The following SOX6 variants were observed in gnomAD, a reference collection of about 807,000 sequenced individuals.
SOX6 encodes the protein transcription factor SOX-6.
Under a neutral mutation model 97.8 loss-of-function variants are expected in SOX6, and 11 were observed. The ratio of observed to expected loss-of-function variants is 0.11; its 90% CI spans 0.07 to 0.19. The LOEUF (loss-of-function observed/expected upper bound fraction) is 0.19. Among genes scored for constraint, SOX6 ranks in the 10% least tolerant of loss-of-function variants. The probability of loss-of-function intolerance (pLI) is 1.00; values close to 1 mark genes in which losing one functional copy is unlikely to be tolerated. For synonymous variants in SOX6, 360 were observed against 371.4 expected, an observed-to-expected ratio of 0.97 and a Z score of 0.35; for missense variants, 810 against 1,039.5, an observed-to-expected ratio of 0.78 and a Z score of 3.04.
intron 6 of SOX6, among the ~76,000 whole-genome samples, chr11:16,147,625 C>T (rs967329362): frequency 6.6e-6 from 1 of 152,136 alleles, no homozygotes; most frequent in South Asian, 2.1e-4. Context: ...TATGTCACTT[C>T]CTTCCCCATG....
At chr11:16,070,989 T>C (rs1050263044) in intron 9 of SOX6, among the ~76,000 whole-genome samples, 1 of 152,250 alleles carries the variant, frequency 6.6e-6, no homozygotes, top group Admixed American at 6.5e-5. Context: ...GAGGTCACAG[T>C]TGTGGTGCCT....
chr11:16,216,475 A>AAGAAT (rs1852375486), intron 4 of SOX6, among the ~76,000 whole-genome samples: 1 of 152,116 alleles, frequency 6.6e-6, no homozygotes, highest in Admixed American at 6.6e-5. Context: ...AGTGTCAACC[A>AAGAAT]CAATAAGAAT....
At chr11:16,640,831 A>C (rs182380688) in intron 3 of SOX6, among the ~76,000 whole-genome samples, 1 of 152,088 alleles carries the variant, frequency 6.6e-6, no homozygotes, top group Admixed American at 6.6e-5. Context: ...CTAGTGGTAT[A>C]TCAATTTTGT....
intron 4 of SOX6, among the ~76,000 whole-genome samples, chr11:16,496,638 A>G (rs1335110025): frequency 6.6e-6 from 1 of 152,188 alleles, no homozygotes; most frequent in Non-Finnish European, 1.5e-5. Context: ...CACTTTTCCA[A>G]TGGTCTTAGC....
At chr11:16,669,372 G>C (rs1034905570) in intron 3 of SOX6, among the ~76,000 whole-genome samples, 1 of 152,154 alleles carries the variant, frequency 6.6e-6, no homozygotes, top group African/African-American at 2.4e-5. Flanking sequence ...GAGCAACATG[G>C]AGCCAAGGGA....
chr11:16,579,477 C>T (rs940150211), intron 4 of SOX6, among the ~76,000 whole-genome samples: 1 of 151,998 alleles, frequency 6.6e-6, no homozygotes, highest in Non-Finnish European at 1.5e-5. Context: ...ACTATTCTGA[C>T]TTCTATCATT....
chr11:16,405,450 C>T lies in SOX6; in HGVS notation c.-4-64198G>A, dbSNP rs112093214. ...GGTCCCCCATCTAACACCCCTTCTC[C>T]GAATACAGCTTCAGATGAATGGAGG... On this transcript the variant is annotated intron_variant, in intron 1 of 15. Transcript: ENST00000396356. Among the ~76,000 whole-genome samples the T allele has an allele frequency of 5.4e-3, 824 of 152,048 alleles. 1 individual carries two copies. The highest frequency in any genetic ancestry group is 0.01 in the Non-Finnish European group (704 of 67,942).
At chr11:16,630,186 T>C (rs1295439008) in intron 3 of SOX6, among the ~76,000 whole-genome samples, 1 of 152,234 alleles carries the variant, frequency 6.6e-6, no homozygotes, top group Non-Finnish European at 1.5e-5. Context: ...TGTTAGATCA[T>C]TAATTTGATA....
chr11:16,651,813 T>C (rs1278599201), intron 3 of SOX6, among the ~76,000 whole-genome samples: 1 of 151,978 alleles, frequency 6.6e-6, no homozygotes, highest in African/African-American at 2.4e-5. Flanking sequence ...GCATCCAAAT[T>C]GGTAAAGAGG....
chr11:16,190,545 T>A (rs1851601747), intron 4 of SOX6, among the ~76,000 whole-genome samples: 1 of 152,198 alleles, frequency 6.6e-6, no homozygotes, highest in Non-Finnish European at 1.5e-5. Flanking sequence ...TGTGCATGGG[T>A]TATATGCAAA....
intron 4 of SOX6, among the ~76,000 whole-genome samples, chr11:16,212,156 GA>G (rs1270389229): frequency 1.3e-5 from 2 of 152,144 alleles, no homozygotes; most frequent in African/African-American, 2.4e-5. Flanking sequence ...AGGCAAGTTA[GA>G]AAACTTCTCT....
At chr11:16,330,941 AAAC>A (rs1369678631) in intron 2 of SOX6, among the ~76,000 whole-genome samples, 4 of 152,172 alleles carry the variant, frequency 2.6e-5, no homozygotes, top group Non-Finnish European at 4.4e-5. Context: ...AACCCCTACC[AAAC>A]AAAAAGAATG....
intron 14 of SOX6, among the ~76,000 whole-genome samples, chr11:15,987,182 A>G (rs1235866160): frequency 6.6e-6 from 1 of 152,160 alleles, no homozygotes; most frequent in Non-Finnish European, 1.5e-5. Flanking sequence ...ATCAAATTGC[A>G]TTTTTGTGTC....
At chr11:16,281,424 T>C (rs926193629) in intron 3 of SOX6, among the ~76,000 whole-genome samples, 1 of 152,026 alleles carries the variant, frequency 6.6e-6, no homozygotes, top group Non-Finnish European at 1.5e-5. Flanking sequence ...TCCCACAAGA[T>C]AGAGCAATCT....
At chr11:16,617,059 C>T (rs1022823003) in intron 3 of SOX6, among the ~76,000 whole-genome samples, 3 of 151,810 alleles carry the variant, frequency 2.0e-5, no homozygotes, top group Non-Finnish European at 4.4e-5. Flanking sequence ...ATGTTATCTT[C>T]CCAAATTCAA....
intron 2 of SOX6, among the ~76,000 whole-genome samples, chr11:16,334,316 C>T (rs558523419): frequency 2.0e-4 from 31 of 152,064 alleles, no homozygotes; most frequent in Non-Finnish European, 1.0e-4. Context: ...GTGCTCAATA[C>T]GCAGCCCACA....
chr11:16,501,517 A>G lies in SOX6; in HGVS notation n.610-25129T>C, dbSNP rs1232370502. 9.8e-4 allele frequency among the ~76,000 whole-genome samples: 149 copies of G among 151,698 alleles called. 1 individual carries two copies. The highest frequency in any genetic ancestry group is 3.5e-3 in the African/African-American group (145 of 40,974). On this transcript the variant is annotated intron_variant and non_coding_transcript_variant, in intron 4 of 5. Transcript: ENST00000524520. ...GCAAAAGAAATTATCATCAGAGTGA[A>G]CAGGCAACCTACAGAATGGGAGAAA...
At chr11:16,292,185 G>A (rs1339573801) in intron 3 of SOX6, among the ~76,000 whole-genome samples, 1 of 152,026 alleles carries the variant, frequency 6.6e-6, no homozygotes, top group Non-Finnish European at 1.5e-5. Context: ...CAAACCTGTG[G>A]GGAAAAACAA....
rs1440264641 is a variant in SOX6, at chr11:16,015,062, A to C, written c.1624-12T>G. The C allele has an allele frequency of 6.2e-7, 1 of 1,609,414 alleles. No homozygotes were observed. The highest frequency in any genetic ancestry group is 1.3e-5 in the African/African-American group (1 of 74,770). ...AAGCGCGTTCTTTCCTAGAGGAACAAATAATCAGAGGCTTATTCTAGTTTC... is the reference window on the plus strand; with the variant it reads ...AAGCGCGTTCTTTCCTAGAGGAACACATAATCAGAGGCTTATTCTAGTTTC... On this transcript the variant is annotated splice_polypyrimidine_tract_variant and intron_variant, in intron 12 of 15. Coordinates refer to ENST00000683767, the MANE Select transcript of SOX6 (RefSeq NM_001367873.1).
Sources: allele counts gnomAD v4.1 joint callset (sites outside exome capture counted in the v4.1 genomes callset), GRCh38; gene constraint gnomAD v4.1.1; transcripts MANE v1.5; gene names NCBI Gene and HGNC (gene_info 2026-07-23, HGNC 2026-07-21).